Variants in MCPH1 observed in about 807,000 individuals in gnomAD.
MCPH1 encodes microcephalin 1.
Under a neutral mutation model 84.5 loss-of-function variants are expected in MCPH1, and 104 were observed. The observed-to-expected ratio is 1.23, with a 90% CI of 1.05 to 1.45. The LOEUF (loss-of-function observed/expected upper bound fraction) is 1.45, where lower values mean the gene tolerates loss of function less well. Among genes scored for constraint, MCPH1 ranks in the 40% most tolerant of loss-of-function variants. The probability of loss-of-function intolerance (pLI) is 0.00; values close to 1 mark genes in which losing one functional copy is unlikely to be tolerated. For missense variants in MCPH1, 1,498 were observed against 1,005.7 expected (o/e 1.49, Z -6.62); for synonymous variants, 514 against 366.8 (o/e 1.40, Z -4.58).
chr8:6,605,944 C>A (rs747362955), intron 12 of MCPH1, among the ~76,000 whole-genome samples: 5 of 152,108 alleles, frequency 3.3e-5, no homozygotes, highest in African/African-American at 4.8e-5. Flanking sequence ...TGATCTACCC[C>A]CCTTGGCCCC....
chr8:6,421,294 T>C (rs543767532), intron 3 of MCPH1, among the ~76,000 whole-genome samples: 1 of 152,190 alleles, frequency 6.6e-6, no homozygotes, highest in Non-Finnish European at 1.5e-5. Flanking sequence ...TTATCACTTT[T>C]AGAGAGGCAA....
In MCPH1 at chr8:6,624,655, A is replaced by G. The variant is rs150222981; in HGVS notation, c.2452+2964A>G. Among the ~76,000 whole-genome samples the G allele has an allele frequency of 3.9e-3, 597 of 152,234 alleles. 4 individuals carry two copies. Among genetic ancestry groups the G allele is most frequent in the African/African-American group, 0.014 (567 of 41,536 alleles). ...TGGCTTTTCTCACCCTCTGCTAAAC[A>G]TTATCCTTTAATAGACAAGTAGATT... is the stretch of plus-strand genomic sequence containing the variant. On this transcript the variant is annotated intron_variant, in intron 13 of 13. Coordinates refer to ENST00000344683, the MANE Select transcript of MCPH1 (RefSeq NM_024596.5).
intron 11 of MCPH1, among the ~76,000 whole-genome samples, chr8:6,491,457 G>T (rs1297411695): frequency 4.7e-5 from 7 of 147,634 alleles, no homozygotes; most frequent in African/African-American, 1.8e-4. Context: ...CTCAGAACAT[G>T]TATTTTTTTT....
chr8:6,468,517 C>T (rs953139820), intron 9 of MCPH1, among the ~76,000 whole-genome samples: 9 of 152,020 alleles, frequency 5.9e-5, no homozygotes, highest in African/African-American at 2.2e-4. Context: ...CATGTGTAGA[C>T]CCCATGGGAG....
At chr8:6,409,212 CA>C (rs765495402) in intron 1 of MCPH1, 66 bp from the exon 2 acceptor site, 4 of 1,337,014 alleles carry the variant, frequency 3.0e-6, no homozygotes, top group Non-Finnish European at 4.3e-6. Flanking sequence ...GTAAATAGAA[CA>C]AAATCTATTG....
chr8:6,580,587 G>C (rs867249294), intron 12 of MCPH1, among the ~76,000 whole-genome samples: 1 of 152,166 alleles, frequency 6.6e-6, no homozygotes, highest in Non-Finnish European at 1.5e-5. Flanking sequence ...GGAGGCAGAC[G>C]TTGCAGTGAG....
intron 12 of MCPH1, chr8:6,618,584 C>G (rs1831095999): frequency 6.6e-6 from 1 of 152,072 alleles, no homozygotes; most frequent in Non-Finnish European, 1.5e-5. Flanking sequence ...TTTAAAAATA[C>G]ACAGAGAATT....
intron 9 of MCPH1, among the ~76,000 whole-genome samples, chr8:6,462,060 C>T (rs968427620): frequency 6.6e-6 from 1 of 152,176 alleles, no homozygotes; most frequent in African/African-American, 2.4e-5. Flanking sequence ...CATGTGAAGG[C>T]AAGCTGTGGG....
In MCPH1 at chr8:6,638,162, G is replaced by C. The variant is rs185582844; in HGVS notation, c.2453-4832G>C. On this transcript the variant is annotated intron_variant, in intron 13 of 13. Transcript: ENST00000344683. ...GGGCTCATTATGAGAAACGACTCTA[G>C]GAATATTTGTAACCTGCTGGGCTCT... Among the ~76,000 whole-genome samples, 27 of 152,304 alleles carry C rather than the reference G, an allele frequency of 1.8e-4. No homozygotes were observed. The East Asian group carries it at 4.6e-3, about 26-fold the overall frequency.
intron 12 of MCPH1, among the ~76,000 whole-genome samples, chr8:6,554,035 T>G (rs1188452224): frequency 6.6e-6 from 1 of 151,424 alleles, no homozygotes; most frequent in African/African-American, 2.4e-5. Context: ...ATCCCTGAAA[T>G]TTGCCGGAAC....
At chr8:6,533,273 C>CTCATT (rs1441528823) in intron 12 of MCPH1, among the ~76,000 whole-genome samples, 2 of 152,212 alleles carry the variant, frequency 1.3e-5, no homozygotes, top group Non-Finnish European at 2.9e-5. Flanking sequence ...AAGGAAGAAG[C>CTCATT]TCATTTCACT....
At chr8:6,638,478 T>C (rs1048770199) in intron 13 of MCPH1, among the ~76,000 whole-genome samples, 2 of 152,104 alleles carry the variant, frequency 1.3e-5, no homozygotes, top group African/African-American at 2.4e-5. Context: ...AGCATGTTGA[T>C]TCTGTATCCT....
intron 13 of MCPH1, among the ~76,000 whole-genome samples, chr8:6,631,678 TAAC>T (rs1244177050): frequency 6.9e-6 from 1 of 145,190 alleles, no homozygotes; most frequent in Non-Finnish European, 1.5e-5. Context: ...ACCCAGAAAA[TAAC>T]AAGTGTTAGT....
At chr8:6,418,614 C>T (rs776921033) in intron 3 of MCPH1, among the ~76,000 whole-genome samples, 52 of 152,112 alleles carry the variant, frequency 3.4e-4, no homozygotes, top group African/African-American at 9.2e-4. Flanking sequence ...GACGGAGTCT[C>T]GCTCTGTCGC....
rs754252510 is a variant in MCPH1 at position 6,444,985 on chromosome 8, T to A, written c.1263T>A (p.Leu421=). ...ATGACTATTTTTCACCTGATAATCT[T>A]AAGGAAAGGTATTCAGAGAATCTTC... The part of the protein sequence containing the change: ...SYDDYFSPDN[L]KERYSENLPP... The change falls in exon 8 of 14, where the codon CTT becomes CTA. Residue 421 remains leucine (L), a synonymous_variant. Transcript: ENST00000344683. 5.7e-5 allele frequency: 92 copies of A among 1,614,072 alleles called. No individual in the cohort carries two copies. The highest frequency in any genetic ancestry group is 7.7e-5 in the Non-Finnish European group (91 of 1,180,048).
chr8:6,492,585 A>G (rs1055535752), intron 11 of MCPH1, among the ~76,000 whole-genome samples: 4 of 151,010 alleles, frequency 2.6e-5, no homozygotes, highest in East Asian at 3.9e-4. Context: ...AAGGTTTTCT[A>G]TGCTATAGAA....
intron 3 of MCPH1, among the ~76,000 whole-genome samples, chr8:6,422,649 G>T (rs868818211): frequency 9.2e-5 from 14 of 152,266 alleles, no homozygotes; most frequent in Non-Finnish European, 1.8e-4. Flanking sequence ...GGCTCATGCA[G>T]ACCCCATAAT....
intron 13 of MCPH1, among the ~76,000 whole-genome samples, chr8:6,639,478 T>C (rs549633785): frequency 6.6e-6 from 1 of 152,170 alleles, no homozygotes; most frequent in African/African-American, 2.4e-5. Context: ...CTTGGCAACA[T>C]AGAAAGACCG....
chr8:6,563,452 C>T (rs760265897), intron 12 of MCPH1: 19 of 153,454 alleles, frequency 1.2e-4, no homozygotes, highest in Non-Finnish European at 1.9e-4. Context: ...CGATCTGTTA[C>T]AGGACCCCTG....
Sources: allele counts gnomAD v4.1 joint callset (sites outside exome capture counted in the v4.1 genomes callset), GRCh38; gene constraint gnomAD v4.1.1; transcripts MANE v1.5; gene names NCBI Gene and HGNC (gene_info 2026-07-23, HGNC 2026-07-21).